The following MIER1 variants were observed in gnomAD, a reference collection of about 807,000 sequenced individuals.
The protein encoded by MIER1 is mesoderm induction early response protein 1.
A neutral mutation model predicts 75.7 loss-of-function variants in MIER1; 40 were observed. The observed-to-expected ratio is 0.53, with a 90% confidence interval of 0.41 to 0.69. The LOEUF (loss-of-function observed/expected upper bound fraction) is 0.69, where lower values mean the gene tolerates loss of function less well. Among genes scored for constraint, MIER1 ranks in the 30% least tolerant of loss-of-function variants. The probability of loss-of-function intolerance (pLI) is 0.00; values close to 1 mark genes in which losing one functional copy is unlikely to be tolerated. For synonymous variants in MIER1, 213 were observed against 223.4 expected (o/e 0.95, Z 0.42); for missense variants, 574 against 680.2 (o/e 0.84, Z 1.74).
rs1651187162 is a variant in MIER1 at position 66,925,144 on chromosome 1, G to A, written c.67+49G>A. 11 of 1,538,354 alleles carry A rather than the reference G, an allele frequency of 7.2e-6. No homozygotes were observed. The East Asian group carries it at 2.7e-4, about 38-fold the overall frequency. Reference sequence around the variant, plus strand: ...TCTCTCCCCTTCTATTCCAGTTTGGGATGAGGGGCTCCTGAGGTGTCCTCA... The same window carrying A: ...TCTCTCCCCTTCTATTCCAGTTTGGAATGAGGGGCTCCTGAGGTGTCCTCA... On this transcript the variant is annotated intron_variant, in intron 1 of 13. Transcript: ENST00000401041.
Position 66,930,244 on chromosome 1 carries a change from C to T in MIER1, c.168+4002C>T, listed in dbSNP as rs1570032822. 2.0e-6 allele frequency: 3 copies of T among 1,464,472 alleles called. No homozygotes were observed. The East Asian group carries it at 8.1e-5, about 40-fold the overall frequency. The allele number at this position is 1,464,472 out of a possible 1,614,324, so 90.7% of individuals were successfully genotyped here. On this transcript the variant is annotated intron_variant, in intron 2 of 13. Coordinates refer to ENST00000401041, the MANE Select transcript of MIER1 (RefSeq NM_001077700.3). ...GTGGGGTGTGGTGGGCGCGCTCGGG[C>T]GGCTCCTGCGCGTTCCCGCCGAGGC...
chr1:66,967,468 G>T (rs1402361853), intron 8 of MIER1, among the ~76,000 whole-genome samples: 1 of 152,024 alleles, frequency 6.6e-6, no homozygotes, highest in East Asian at 1.9e-4. Flanking sequence ...GGATAGCTTT[G>T]GCTATTCTGA....
intron 8 of MIER1, among the ~76,000 whole-genome samples, chr1:66,965,024 A>G (rs1175555896): frequency 1.3e-5 from 2 of 152,216 alleles, no homozygotes; most frequent in Non-Finnish European, 2.9e-5. Flanking sequence ...TTGTGATAGC[A>G]ATATGTTTTA....
intron 2 of MIER1, chr1:66,930,331 G>A: frequency 1.3e-6 from 2 of 1,597,678 alleles, no homozygotes; most frequent in African/African-American, 1.4e-5. Context: ...TCTCACATCC[G>A]GGTTCTGGCC....
chr1:66,977,718 G>T (rs1665007061), intron 12 of MIER1, among the ~76,000 whole-genome samples: 2 of 151,986 alleles, frequency 1.3e-5, no homozygotes, highest in Non-Finnish European at 2.9e-5. Flanking sequence ...TGTCTTTCAT[G>T]AATTGCTTTA....
chr1:66,986,001 CTGT>C lies in MIER1; in HGVS notation c.*1103_*1105del. On this transcript the variant is annotated 3_prime_UTR_variant, in exon 14 of 14. Coordinates refer to ENST00000401041, the MANE Select transcript of MIER1 (RefSeq NM_001077700.3). ...TAAATATATCATGCTGACCAGAATC[CTGT>C]TATTTTTATATGCATCATAAAATTT... The C allele has an allele frequency of 2.0e-6, 2 of 989,530 alleles. No homozygotes were observed. Among genetic ancestry groups the C allele is most frequent in the South Asian group, 9.3e-5 (2 of 21,606 alleles). The allele number at this position is 989,530 out of a possible 1,614,324, so 61.3% of individuals were successfully genotyped here. A position where few individuals can be genotyped will look rare whatever the true frequency, so the allele number is the denominator to read the frequency against.
intron 2 of MIER1, among the ~76,000 whole-genome samples, chr1:66,936,327 T>G (rs1198401096): frequency 6.6e-6 from 1 of 151,730 alleles, no homozygotes; most frequent in Non-Finnish European, 1.5e-5. Context: ...GGTTCAAGCA[T>G]TTCTGCTTCA....
intron 13 of MIER1, among the ~76,000 whole-genome samples, chr1:66,982,619 C>T (rs1558124250): frequency 6.6e-6 from 1 of 152,136 alleles, no homozygotes; most frequent in Non-Finnish European, 1.5e-5. Context: ...TAAGCGCCAC[C>T]CCCAGCTCCT....
intron 3 of MIER1, among the ~76,000 whole-genome samples, chr1:66,944,212 A>C (rs1195222415): frequency 2.0e-5 from 3 of 152,000 alleles, no homozygotes; most frequent in South Asian, 2.1e-4. Flanking sequence ...AGTCAGCTCT[A>C]TCTCTTTGCT....
At chr1:66,929,953 C>T (rs545238435) in intron 2 of MIER1, among the ~76,000 whole-genome samples, 1 of 152,362 alleles carries the variant, frequency 6.6e-6, no homozygotes, top group East Asian at 1.9e-4. Flanking sequence ...TCTGCTGTGT[C>T]AATGCTGGAT....
intron 4 of MIER1, among the ~76,000 whole-genome samples, chr1:66,948,655 G>A (rs1558049790): frequency 1.3e-5 from 2 of 152,204 alleles, no homozygotes; most frequent in Admixed American, 6.5e-5. Context: ...TACTTCAGAA[G>A]GCCAAGGCAG....
chr1:66,983,942 T>G (rs1272978659), intron 13 of MIER1, among the ~76,000 whole-genome samples: 1 of 152,198 alleles, frequency 6.6e-6, no homozygotes, highest in Non-Finnish European at 1.5e-5. Flanking sequence ...GCCAGGCTGG[T>G]CTTGAACTCC....
intron 11 of MIER1, among the ~76,000 whole-genome samples, chr1:66,975,159 C>CT (rs1219557159): frequency 1.3e-5 from 2 of 152,142 alleles, no homozygotes; most frequent in African/African-American, 4.8e-5. Flanking sequence ...AGAATATTTA[C>CT]TTCAAGAGCA....
chr1:66,986,360 A>C lies in MIER1; in HGVS notation c.*1460A>C, dbSNP rs769721612. On this transcript the variant is annotated 3_prime_UTR_variant, in exon 14 of 14. Coordinates refer to ENST00000401041, the MANE Select transcript of MIER1 (RefSeq NM_001077700.3). ...ATAGCTGATAGACCAACCTATATCC[A>C]AACTTTTATAAAATATTAATTATTC... 15 of 1,594,428 alleles carry C rather than the reference A, an allele frequency of 9.4e-6. No individual in the cohort carries two copies. In the African/African-American group the frequency reaches 1.8e-4, roughly 19 times the overall value.
chr1:66,925,577 C>T (rs1388618775), intron 1 of MIER1: 1 of 982,778 alleles, frequency 1.0e-6, no homozygotes, highest in East Asian at 1.1e-4. Flanking sequence ...CGGATGGAGT[C>T]AGGGAGGGAG....
intron 2 of MIER1, among the ~76,000 whole-genome samples, chr1:66,932,170 A>C (rs1653583874): frequency 6.6e-6 from 1 of 152,158 alleles, no homozygotes; most frequent in Non-Finnish European, 1.5e-5. Flanking sequence ...TGTAAGATAA[A>C]GGAAAAAAAT....
At chr1:66,976,555 A>T (rs925970925) in intron 11 of MIER1, 40 bp from the exon 12 acceptor site, 1 of 1,528,316 alleles carries the variant, frequency 6.5e-7, no homozygotes, top group African/African-American at 1.4e-5. Context: ...TAACTTTGTT[A>T]AAAAGGAGAT....
chr1:66,937,723 T>C (rs1655252873), intron 2 of MIER1, among the ~76,000 whole-genome samples: 2 of 152,264 alleles, frequency 1.3e-5, no homozygotes, highest in Admixed American at 6.5e-5. Flanking sequence ...TCACTTGTTA[T>C]TTTGAAAGAT....
chr1:66,956,430 C>T (rs1007595380), intron 4 of MIER1, among the ~76,000 whole-genome samples: 4 of 152,076 alleles, frequency 2.6e-5, no homozygotes, highest in African/African-American at 9.7e-5. Flanking sequence ...TAAATCTAGC[C>T]TTTTCATTAT....
Sources: gnomAD v4.1 joint callset for allele counts (sites outside exome capture counted in the v4.1 genomes callset) on GRCh38, gnomAD v4.1.1 for gene constraint, MANE v1.5 for transcripts, NCBI Gene and HGNC (gene_info 2026-07-23, HGNC 2026-07-21) for gene names.